Variants in PTPRK observed in about 807,000 individuals in gnomAD.
PTPRK encodes the protein protein tyrosine phosphatase receptor type K.
A neutral mutation model predicts 178.0 loss-of-function variants in PTPRK; 75 were observed. The observed-to-expected ratio is 0.42, with a 90% CI of 0.35 to 0.51. PTPRK has a LOEUF of 0.51. Among genes scored for constraint, PTPRK ranks in the 20% least tolerant of loss-of-function variants. The pLI is 0.02. For synonymous variants in PTPRK, 637 were observed against 620.6 expected, an observed-to-expected ratio of 1.03 and a Z score of -0.39; for missense variants, 1,441 against 1,797.8, an observed-to-expected ratio of 0.80 and a Z score of 3.59.
chr6:128,068,747 A>G (rs1782284206), intron 11 of PTPRK, among the ~76,000 whole-genome samples: 1 of 150,884 alleles, frequency 6.6e-6, no homozygotes, highest in South Asian at 2.1e-4. Flanking sequence ...TATATTTTAT[A>G]CATTATAAAT....
At chr6:128,275,342 C>T (rs1391180285) in intron 3 of PTPRK, among the ~76,000 whole-genome samples, 2 of 151,814 alleles carry the variant, frequency 1.3e-5, no homozygotes, top group East Asian at 1.9e-4. Context: ...GTTCAGAGCC[C>T]TGATATGTTA....
At chr6:128,081,438 G>C (rs1024500457) in intron 10 of PTPRK, among the ~76,000 whole-genome samples, 2 of 151,760 alleles carry the variant, frequency 1.3e-5, no homozygotes, top group African/African-American at 2.4e-5. Context: ...CAACACGTTT[G>C]CAAGTAACAT....
At chr6:128,479,239 T>C (rs904536689) in intron 1 of PTPRK, among the ~76,000 whole-genome samples, 36 of 152,108 alleles carry the variant, frequency 2.4e-4, no homozygotes, top group Non-Finnish European at 2.9e-5. Context: ...TGCAAAGTTA[T>C]TGCAACTAAT....
chr6:128,091,702 A>AT (rs199815793), intron 7 of PTPRK, among the ~76,000 whole-genome samples: 1,655 of 152,036 alleles, frequency 0.011, 21 homozygotes, highest in African/African-American at 0.038. Flanking sequence ...TTAATTTTTT[A>AT]TTTTTTTTAG....
At chr6:128,435,753 C>A (rs1272915963) in intron 1 of PTPRK, among the ~76,000 whole-genome samples, 1 of 152,158 alleles carries the variant, frequency 6.6e-6, no homozygotes, top group African/African-American at 2.4e-5. Context: ...ATGACTGTAA[C>A]AGCTTGGCCC....
intron 2 of PTPRK, among the ~76,000 whole-genome samples, chr6:128,380,023 G>A (rs1030995626): frequency 6.6e-6 from 1 of 151,998 alleles, no homozygotes; most frequent in African/African-American, 2.4e-5. Flanking sequence ...TGGACAATAG[G>A]TTAAGTATAT....
intron 6 of PTPRK, among the ~76,000 whole-genome samples, chr6:128,199,109 C>T (rs1805442863): frequency 6.6e-6 from 1 of 152,138 alleles, no homozygotes; most frequent in African/African-American, 2.4e-5. Flanking sequence ...AGCAATTCCG[C>T]TTTCAGGTAC....
intron 7 of PTPRK, among the ~76,000 whole-genome samples, chr6:128,129,721 T>C (rs186574692): frequency 2.4e-4 from 37 of 152,296 alleles, no homozygotes; most frequent in Admixed American, 7.2e-4. Context: ...AAGTTGAACA[T>C]CATTACCTTC....
chr6:128,296,600 C>G (rs1403075130), intron 3 of PTPRK, among the ~76,000 whole-genome samples: 1 of 152,066 alleles, frequency 6.6e-6, no homozygotes, highest in East Asian at 1.9e-4. Flanking sequence ...ATTTTCAACC[C>G]AGAATTTCAT....
chr6:128,096,680 A>T (rs915859875), intron 7 of PTPRK, among the ~76,000 whole-genome samples: 1 of 152,224 alleles, frequency 6.6e-6, no homozygotes, highest in African/African-American at 2.4e-5. Context: ...ACGCTGAAGC[A>T]TGACAGGAGC....
At chr6:128,107,906 G>A (rs938844961) in intron 7 of PTPRK, among the ~76,000 whole-genome samples, 4 of 152,104 alleles carry the variant, frequency 2.6e-5, no homozygotes, top group Non-Finnish European at 4.4e-5. Context: ...TGTGTCACGA[G>A]AGGCCTCTAT....
intron 2 of PTPRK, among the ~76,000 whole-genome samples, chr6:128,351,939 G>A (rs1833202460): frequency 6.6e-6 from 1 of 152,014 alleles, no homozygotes; most frequent in African/African-American, 2.4e-5. Flanking sequence ...TGGGCCTTCT[G>A]ATTAGTATAT....
chr6:128,169,090 T>G (rs1190114878), intron 7 of PTPRK, among the ~76,000 whole-genome samples: 1 of 152,066 alleles, frequency 6.6e-6, no homozygotes, highest in Non-Finnish European at 1.5e-5. Context: ...TTACAGGCTA[T>G]ACATTTGCAG....
intron 6 of PTPRK, among the ~76,000 whole-genome samples, chr6:128,208,744 T>C (rs1044752015): frequency 7.9e-5 from 12 of 152,206 alleles, no homozygotes; most frequent in African/African-American, 1.9e-4. Flanking sequence ...ATAATTTCTA[T>C]GCACTAAGCA....
chr6:128,083,835 C>G lies in PTPRK; in HGVS notation c.1466-11G>C. On this transcript the variant is annotated splice_polypyrimidine_tract_variant and intron_variant, in intron 8 of 29. Transcript: ENST00000368226. ...GTACGGGACCAGGCACTACAAAACA[C>G]ATGAATTTTTTGTTATGAAAATGCT... 6.7e-7 allele frequency: 1 copy of G among 1,483,048 alleles called. No homozygotes were observed. 91.9% of individuals were successfully genotyped at this position (1,483,048 alleles called of 1,614,324 possible). A position where few individuals can be genotyped will look rare whatever the true frequency, so the allele number is the denominator to read the frequency against.
At chr6:128,113,679 C>A (rs1364657088) in intron 7 of PTPRK, among the ~76,000 whole-genome samples, 1 of 151,972 alleles carries the variant, frequency 6.6e-6, no homozygotes, top group Non-Finnish European at 1.5e-5. Context: ...GGTCCCAGAA[C>A]CAATTCCTTG....
chr6:128,428,744 T>C (rs557301269), intron 1 of PTPRK, among the ~76,000 whole-genome samples: 13 of 152,354 alleles, frequency 8.5e-5, no homozygotes, highest in African/African-American at 2.6e-4. Context: ...ATGGATTGAC[T>C]TGCAATTTTT....
At chr6:128,186,441 C>A (rs980791469) in intron 6 of PTPRK, among the ~76,000 whole-genome samples, 1 of 151,984 alleles carries the variant, frequency 6.6e-6, no homozygotes, top group Non-Finnish European at 1.5e-5. Context: ...ATAACATATG[C>A]TATATGAAGT....
chr6:128,330,451 T>C (rs1395314820), intron 2 of PTPRK, among the ~76,000 whole-genome samples: 2 of 152,234 alleles, frequency 1.3e-5, no homozygotes, highest in Non-Finnish European at 1.5e-5. Flanking sequence ...ATGATCAAAC[T>C]AGGAATCAGT....
Sources: gnomAD v4.1 joint callset for allele counts (sites outside exome capture counted in the v4.1 genomes callset) on GRCh38, gnomAD v4.1.1 for gene constraint, MANE v1.5 for transcripts, NCBI Gene and HGNC (gene_info 2026-07-23, HGNC 2026-07-21) for gene names.